Variants in SBF2 observed in about 807,000 individuals in gnomAD.
The protein encoded by SBF2 is myotubularin-related protein 13.
A neutral mutation model predicts 225.2 loss-of-function variants in SBF2; 112 were observed. The ratio of observed to expected loss-of-function variants is 0.50; its 90% CI spans 0.43 to 0.58. The LOEUF (loss-of-function observed/expected upper bound fraction) is 0.58. Among genes scored for constraint, SBF2 ranks in the 20% least tolerant of loss-of-function variants. The probability of loss-of-function intolerance (pLI) is 0.00; values close to 1 mark genes in which losing one functional copy is unlikely to be tolerated. For synonymous variants in SBF2, 763 were observed against 773.3 expected, an observed-to-expected ratio of 0.99 and a Z score of 0.22; for missense variants, 1,996 against 2,206.2, an observed-to-expected ratio of 0.90 and a Z score of 1.91.
intron 6 of SBF2, among the ~76,000 whole-genome samples, chr11:10,014,300 T>C (rs755521761): frequency 1.8e-4 from 28 of 152,262 alleles, no homozygotes; most frequent in Admixed American, 1.5e-3. Context: ...TATACATGCA[T>C]ATGTATTTGA....
At chr11:9,996,555 A>G (rs977905340) in intron 9 of SBF2, among the ~76,000 whole-genome samples, 1 of 151,974 alleles carries the variant, frequency 6.6e-6, no homozygotes, top group Non-Finnish European at 1.5e-5. Flanking sequence ...ACGCCCAGCT[A>G]ATTTTTGTAT....
chr11:10,215,104 C>A (rs1272626128), intron 1 of SBF2, among the ~76,000 whole-genome samples: 1 of 152,124 alleles, frequency 6.6e-6, no homozygotes, highest in South Asian at 2.1e-4. Context: ...ACAAGGCTGC[C>A]CCACAAACTA....
At chr11:10,282,211 A>G (rs906994385) in intron 1 of SBF2, among the ~76,000 whole-genome samples, 2 of 152,136 alleles carry the variant, frequency 1.3e-5, no homozygotes, top group African/African-American at 2.4e-5. Context: ...CCATGATACC[A>G]TATCATGCTA....
At chr11:10,198,803 C>A (rs1248357289) in intron 1 of SBF2, among the ~76,000 whole-genome samples, 3 of 152,242 alleles carry the variant, frequency 2.0e-5, no homozygotes, top group African/African-American at 7.2e-5. Context: ...GAGACAGCTT[C>A]TTTTCTTAAA....
chr11:9,860,020 T>A (rs1361144821), intron 17 of SBF2, among the ~76,000 whole-genome samples: 1 of 152,210 alleles, frequency 6.6e-6, no homozygotes, highest in Non-Finnish European at 1.5e-5. Context: ...GATTTCATTA[T>A]GCCTATCTGC....
intron 29 of SBF2, among the ~76,000 whole-genome samples, chr11:9,813,568 C>T (rs1241978278): frequency 9.9e-5 from 15 of 152,088 alleles, no homozygotes; most frequent in African/African-American, 2.9e-4. Context: ...CCTTGTGATC[C>T]GCCCACCTCG....
chr11:9,979,340 C>T (rs1326947697), intron 13 of SBF2, among the ~76,000 whole-genome samples: 1 of 152,152 alleles, frequency 6.6e-6, no homozygotes, highest in African/African-American at 2.4e-5. Flanking sequence ...CCTGCATCAT[C>T]AACTGAGCAT....
At chr11:10,261,962 T>C (rs1288652225) in intron 1 of SBF2, among the ~76,000 whole-genome samples, 1 of 152,186 alleles carries the variant, frequency 6.6e-6, no homozygotes, top group Non-Finnish European at 1.5e-5. Flanking sequence ...TGACTGCCTC[T>C]GGGAGGACAG....
intron 2 of SBF2, among the ~76,000 whole-genome samples, chr11:10,074,069 C>T (rs6483964): frequency 0.46 from 70,191 of 151,934 alleles, 16,601 homozygotes; most frequent in Admixed American, 0.56. Context: ...TCAATTAATA[C>T]AATATTTGTA....
intron 2 of SBF2, among the ~76,000 whole-genome samples, chr11:10,174,210 T>C (rs141922344): frequency 0.073 from 11,137 of 152,182 alleles, 585 homozygotes; most frequent in East Asian, 0.28. Context: ...ATCAAAGTAC[T>C]CTGAGCTACG....
At chr11:9,976,188 C>G (rs756265101) in intron 13 of SBF2, among the ~76,000 whole-genome samples, 1 of 151,544 alleles carries the variant, frequency 6.6e-6, no homozygotes, top group Non-Finnish European at 1.5e-5. Context: ...ATTCTCCTGC[C>G]TCAGCCTCCC....
At chr11:10,037,795 A>G (rs924508683) in intron 3 of SBF2, among the ~76,000 whole-genome samples, 7 of 151,900 alleles carry the variant, frequency 4.6e-5, no homozygotes, top group Non-Finnish European at 1.0e-4. Flanking sequence ...ACCAAAAATG[A>G]TTGGGTTGTA....
intron 1 of SBF2, among the ~76,000 whole-genome samples, chr11:10,247,781 CCT>C (rs931418258): frequency 1.3e-5 from 2 of 152,240 alleles, no homozygotes; most frequent in Middle Eastern, 3.4e-3. Context: ...CAATCATCCT[CCT>C]CACAGGAACA....
chr11:9,839,385 T>C, intron 26 of SBF2, 113 bp downstream of exon 26: 18 of 1,078,582 alleles, frequency 1.7e-5, no homozygotes, highest in Non-Finnish European at 2.6e-5. Flanking sequence ...ACCTTGTTCT[T>C]ATTTTCAGGC....
chr11:10,257,020 A>G (rs1279693534), intron 1 of SBF2, among the ~76,000 whole-genome samples: 2 of 152,192 alleles, frequency 1.3e-5, no homozygotes, highest in African/African-American at 2.4e-5. Flanking sequence ...ACTGATCACC[A>G]TTTATTAATT....
intron 6 of SBF2, among the ~76,000 whole-genome samples, chr11:10,026,582 A>T (rs972025955): frequency 7.9e-5 from 12 of 152,106 alleles, no homozygotes; most frequent in East Asian, 3.9e-4. Flanking sequence ...CAAAAAAATT[A>T]AAAAAATTAA....
intron 33 of SBF2, among the ~76,000 whole-genome samples, chr11:9,792,497 C>T (rs1378157557): frequency 1.3e-5 from 2 of 151,998 alleles, no homozygotes; most frequent in Non-Finnish European, 2.9e-5. Context: ...CTCTCCACTT[C>T]GTCATTTTGG....
intron 13 of SBF2, among the ~76,000 whole-genome samples, chr11:9,974,948 G>A (rs1436243410): frequency 6.7e-5 from 5 of 75,104 alleles, no homozygotes; most frequent in African/African-American, 1.6e-4. Context: ...CAACAACAGC[G>A]AAACTTTGAC....
At chr11:9,878,100 G>T (rs1859430465) in intron 17 of SBF2, among the ~76,000 whole-genome samples, 1 of 152,192 alleles carries the variant, frequency 6.6e-6, no homozygotes, top group South Asian at 2.1e-4. Flanking sequence ...TAACTGGCAT[G>T]AGATGGTATC....
Sources: gnomAD v4.1 joint callset for allele counts (sites outside exome capture counted in the v4.1 genomes callset) on GRCh38, gnomAD v4.1.1 for gene constraint, MANE v1.5 for transcripts, NCBI Gene and HGNC (gene_info 2026-07-23, HGNC 2026-07-21) for gene names.